The following HVCN1 variants were observed in gnomAD, a reference collection of about 807,000 sequenced individuals.
HVCN1 encodes the protein voltage-gated hydrogen channel 1.
A neutral mutation model predicts 29.2 loss-of-function variants in HVCN1; 14 were observed. The observed-to-expected ratio is 0.48, with a 90% CI of 0.32 to 0.75. The LOEUF is 0.75. Among genes scored for constraint, HVCN1 ranks in the 30% least tolerant of loss-of-function variants. HVCN1 has a pLI of 0.04. For synonymous variants in HVCN1, 131 were observed against 133.2 expected, an observed-to-expected ratio of 0.98 and a Z score of 0.11; for missense variants, 263 against 341.8, an observed-to-expected ratio of 0.77 and a Z score of 1.82.
At chr12:110,696,305 C>T (rs1024517026) in intron 2 of HVCN1, among the ~76,000 whole-genome samples, 4 of 152,066 alleles carry the variant, frequency 2.6e-5, no homozygotes, top group Non-Finnish European at 5.9e-5. Context: ...ATAACATAAA[C>T]GTTACCATTT....
chr12:110,697,011 CA>C (rs1341613936), intron 2 of HVCN1, among the ~76,000 whole-genome samples: 5 of 151,692 alleles, frequency 3.3e-5, no homozygotes, highest in African/African-American at 9.7e-5. Flanking sequence ...ACAGAAAAGA[CA>C]GGGGGGAACT....
At chr12:110,695,273 CAT>C (rs770659678) in intron 2 of HVCN1, among the ~76,000 whole-genome samples, 3 of 145,046 alleles carry the variant, frequency 2.1e-5, no homozygotes, top group African/African-American at 2.6e-5. Context: ...CACACACACA[CAT>C]ATATATACAC....
In HVCN1 at chr12:110,675,187, G is replaced by A. The variant is rs548689456; in HGVS notation, c.21+8038C>T. On this transcript the variant is annotated intron_variant, in intron 3 of 7. Transcript: ENST00000242607. ...AAAAAACAAACATAAAGCTGGGTGC[G>A]GTGGCTCATACCTGTAATCCCAGCG... Among the ~76,000 whole-genome samples, 52 of 152,286 alleles carry A rather than the reference G, an allele frequency of 3.4e-4. No individual in the cohort carries two copies. The South Asian group carries it at 4.6e-3, about 13-fold the overall frequency.
chr12:110,693,982 C>T (rs1042396808), upstream of HVCN1, among the ~76,000 whole-genome samples: 13 of 152,206 alleles, frequency 8.5e-5, no homozygotes, highest in Non-Finnish European at 1.3e-4. Context: ...GCCCCACCCC[C>T]GGTCCTCCGC....
At chr12:110,687,634 G>C (rs1719816585) in intron 2 of HVCN1, among the ~76,000 whole-genome samples, 1 of 152,124 alleles carries the variant, frequency 6.6e-6, no homozygotes, top group African/African-American at 2.4e-5. Flanking sequence ...AGAGATGCTG[G>C]CGGCCTGGTC....
Position 110,669,822 on chromosome 12 carries a change from G to A in HVCN1, c.22-8374C>T, listed in dbSNP as rs531997051. Among the ~76,000 whole-genome samples the A allele has an allele frequency of 7.9e-5, 12 of 152,262 alleles. No homozygotes were observed. In the South Asian group the frequency reaches 1.7e-3, roughly 21 times the overall value. ...TGTAATCCTAGCACTTTGGGAGGCCGAGACGGGCAGATCACCTGATGTCAG... is the reference window on the plus strand; with the variant it reads ...TGTAATCCTAGCACTTTGGGAGGCCAAGACGGGCAGATCACCTGATGTCAG... On this transcript the variant is annotated intron_variant, in intron 3 of 7. Transcript: ENST00000242607.
At chr12:110,689,168 GCCCCGCCCCCGCCCGGGCCGCCCCCGC>G (rs901607420), upstream of HVCN1, 1 of 148,322 alleles carries the variant, frequency 6.7e-6, no homozygotes, top group Non-Finnish European at 1.5e-5. The surrounding 1 kb of genome is among the most constrained non-coding windows in gnomAD (Gnocchi z 5.7). Context: ...ACCGTACCAG[GCCCCGCCCCCGCCCGGGCCGCCCCCGC>G]CCCCGTCCCC....
chr12:110,695,094 G>A (rs1322735015), intron 2 of HVCN1, among the ~76,000 whole-genome samples: 2 of 152,060 alleles, frequency 1.3e-5, no homozygotes, highest in Admixed American at 1.3e-4. Flanking sequence ...AATACTAAAC[G>A]ACAAATTACA....
upstream of HVCN1, among the ~76,000 whole-genome samples, chr12:110,694,141 C>T (rs887226818): frequency 2.0e-5 from 3 of 152,214 alleles, no homozygotes; most frequent in African/African-American, 4.8e-5. The surrounding 1 kb of genome is among the most constrained non-coding windows in gnomAD (Gnocchi z 4.6). Flanking sequence ...CTACCCACTT[C>T]GGCCTTGACC....
chr12:110,681,827 A>G (rs544636830), intron 3 of HVCN1, among the ~76,000 whole-genome samples: 2 of 152,144 alleles, frequency 1.3e-5, no homozygotes, highest in South Asian at 4.2e-4. Context: ...GAAAGTCAAC[A>G]CTTCCTTTCT....
In HVCN1 at chr12:110,655,704, A is replaced by G. The variant is rs1245561877; in HGVS notation, c.307-366T>C. ...CATACCTAGATGGCAACAAATAATCAGTTTTTTTTTTTTTTTTTGAGACAG... is the reference window on the plus strand; with the variant it reads ...CATACCTAGATGGCAACAAATAATCGGTTTTTTTTTTTTTTTTTGAGACAG... On this transcript the variant is annotated intron_variant, in intron 4 of 7. Coordinates refer to ENST00000242607, the MANE Select transcript of HVCN1 (RefSeq NM_032369.4). Among the ~76,000 whole-genome samples, 17 of 129,628 alleles carry G rather than the reference A, an allele frequency of 1.3e-4. No homozygotes were observed. The Admixed American group carries it at 1.4e-3, about 10-fold the overall frequency. The allele number at this position is 129,628 out of a possible 152,430, so 85.0% of individuals were successfully genotyped here.
upstream of HVCN1, chr12:110,689,650 C>T (rs60275208): frequency 2.6e-5 from 4 of 152,420 alleles, no homozygotes; most frequent in Admixed American, 1.3e-4. This position sits in a 1 kb window ranked among gnomAD's most constrained non-coding sequence, Gnocchi z 5.7. Flanking sequence ...TGAGCAACCT[C>T]TCAGCCCTCA....
At chr12:110,665,676 C>G (rs1310962574) in intron 3 of HVCN1, among the ~76,000 whole-genome samples, 6 of 151,658 alleles carry the variant, frequency 4.0e-5, no homozygotes, top group Admixed American at 3.9e-4. Flanking sequence ...AATGAGGGAG[C>G]AAATAAAAAT....
intron 2 of HVCN1, chr12:110,702,173 C>T (rs1313565656): frequency 6.6e-6 from 1 of 151,984 alleles, no homozygotes; most frequent in Non-Finnish European, 1.5e-5. Flanking sequence ...ACAGAAGAAA[C>T]CAAGACTGAG....
chr12:110,704,047 TTTGA>T (rs2069585682), intron 1 of HVCN1, among the ~76,000 whole-genome samples: 1 of 152,166 alleles, frequency 6.6e-6, no homozygotes, highest in Non-Finnish European at 1.5e-5. Context: ...ACCTCTCCAG[TTTGA>T]TTGACAATTT....
chr12:110,662,066 T>C (rs1407524811), intron 3 of HVCN1, among the ~76,000 whole-genome samples: 1 of 152,158 alleles, frequency 6.6e-6, no homozygotes, highest in African/African-American at 2.4e-5. Context: ...AATTGAAATG[T>C]ATAGGTATGA....
chr12:110,655,122 C>T (rs1279637034), intron 5 of HVCN1, 112 bp downstream of exon 5: 2 of 725,052 alleles, frequency 2.8e-6, no homozygotes, highest in East Asian at 2.5e-5. Context: ...CAAACTACCA[C>T]AGACCTTGCT....
chr12:110,691,892 TG>T (rs1175260732), upstream of HVCN1, among the ~76,000 whole-genome samples: 1 of 152,214 alleles, frequency 6.6e-6, no homozygotes, highest in Non-Finnish European at 1.5e-5. Flanking sequence ...GCCTGGAACC[TG>T]GGGCCACCAG....
At chr12:110,664,082 A>G (rs1232898943) in intron 3 of HVCN1, among the ~76,000 whole-genome samples, 1 of 152,110 alleles carries the variant, frequency 6.6e-6, no homozygotes, top group Non-Finnish European at 1.5e-5. Flanking sequence ...GTGTCTGGCT[A>G]ATTAAAACAA....
Sources: gnomAD v4.1 joint callset for allele counts (sites outside exome capture counted in the v4.1 genomes callset) on GRCh38, gnomAD v4.1.1 for gene constraint, Gnocchi (gnomAD v3.1) non-coding constraint, MANE v1.5 for transcripts, NCBI Gene and HGNC (gene_info 2026-07-23, HGNC 2026-07-21) for gene names.